Variants in ENPP2 observed in about 807,000 individuals in gnomAD.
The protein encoded by ENPP2 is ectonucleotide pyrophosphatase/phosphodiesterase 2.
In ENPP2, 51 loss-of-function variants were observed where a neutral mutation model predicts 120.2. The observed-to-expected ratio is 0.42, with a 90% CI of 0.34 to 0.54. ENPP2 has a LOEUF of 0.54. Ranked by LOEUF, ENPP2 falls within the 20% of genes least tolerant of loss-of-function variation. ENPP2 has a pLI of 0.04. For synonymous variants in ENPP2, 365 were observed against 366.4 expected (o/e 1.00, Z 0.04); for missense variants, 920 against 1,066.5 (o/e 0.86, Z 1.91).
chr8:119,621,505 A>C lies in ENPP2; in HGVS notation c.307T>G (p.Cys103Gly). ...ACTTCTCCACATCTGTCCTTAGTAC[A>C]CTCCCAGCCACGGGCTAAAATCATC... ...LCLKTARGWE[C>G]TKDRCGEVRN... The change falls in exon 4 of 25, where the codon TGT becomes GGT. Residue 103 changes from cysteine (C) to glycine (G), a missense_variant. Cys to Gly is a radical substitution (Grantham distance 159, BLOSUM62 -3). Coordinates refer to ENST00000075322, the MANE Select transcript of ENPP2 (RefSeq NM_001040092.3). 6.2e-7 allele frequency: 1 copy of C among 1,613,318 alleles called. No individual in the cohort carries two copies. The highest frequency in any genetic ancestry group is 1.1e-5 in the South Asian group (1 of 91,042).
At chr8:119,613,095 C>T (rs1395369532) in intron 8 of ENPP2, among the ~76,000 whole-genome samples, 1 of 151,982 alleles carries the variant, frequency 6.6e-6, no homozygotes, top group African/African-American at 2.4e-5. Flanking sequence ...AGGGAACAAC[C>T]CCATGGAAGT....
At chr8:119,624,697 A>G (rs953414961) in intron 3 of ENPP2, among the ~76,000 whole-genome samples, 6 of 152,228 alleles carry the variant, frequency 3.9e-5, no homozygotes, top group African/African-American at 1.2e-4. Flanking sequence ...CGATTTGTAT[A>G]AAGATTTATT....
intron 24 of ENPP2, among the ~76,000 whole-genome samples, chr8:119,561,219 A>T (rs907740859): frequency 2.6e-5 from 4 of 152,200 alleles, no homozygotes; most frequent in African/African-American, 9.6e-5. Context: ...AAGTCAACAG[A>T]TCAAAAACTA....
rs1563665653 is a variant in ENPP2, at chr8:119,562,989, A to G, written c.2289T>C (p.Pro763=). Residue 763 remains proline, a synonymous_variant, in exon 24 of 25, where the codon CCT becomes CCC. Coordinates refer to ENST00000075322, the MANE Select transcript of ENPP2 (RefSeq NM_001040092.3). ...IKQYVEGSSI[P]VPTHYYSIIT... The stretch of plus-strand genomic sequence containing the variant: ...TGATGCTGTAGTAGTGAGTTGGAAC[A>G]GGAATGGAACTGCCTTCCACGTACC... 1 of 1,614,056 alleles carries G rather than the reference A, an allele frequency of 6.2e-7. No individual in the cohort carries two copies. The highest frequency in any genetic ancestry group is 1.3e-5 in the African/African-American group (1 of 75,048).
chr8:119,616,387 T>G lies in ENPP2; in HGVS notation c.658-3A>C. On this transcript the variant is annotated splice_polypyrimidine_tract_variant and splice_region_variant and intron_variant, in intron 7 of 24. Transcript: ENST00000075322. ...CCATGTGATTCTGGATATAGCCCCTTTTTGTAAAAGCAAATTTATTGTTAA... is the reference window on the plus strand; with the variant it reads ...CCATGTGATTCTGGATATAGCCCCTGTTTGTAAAAGCAAATTTATTGTTAA... 6.3e-7 allele frequency: 1 copy of G among 1,587,788 alleles called. No homozygotes were observed. Among genetic ancestry groups the G allele is most frequent in the African/African-American group, 1.3e-5 (1 of 74,698 alleles).
chr8:119,568,321 GA>G (rs370269469), intron 21 of ENPP2, 69 bp from the exon 22 acceptor site: 166 of 829,214 alleles, frequency 2.0e-4, no homozygotes, highest in African/African-American at 1.2e-3. Flanking sequence ...AAAAAAGGGA[GA>G]GGGGGGTAGA....
intron 21 of ENPP2, 45 bp from the exon 22 acceptor site, chr8:119,568,297 T>A (rs1265140234): frequency 3.0e-6 from 3 of 994,244 alleles, no homozygotes; most frequent in Non-Finnish European, 4.4e-6. Context: ...TACCAAAATC[T>A]ATATCAGTTA....
intron 2 of ENPP2, among the ~76,000 whole-genome samples, chr8:119,632,261 A>G (rs1411631250): frequency 1.3e-5 from 2 of 152,212 alleles, no homozygotes; most frequent in Non-Finnish European, 2.9e-5. Context: ...CAAATTTTTC[A>G]TCATTACTGA....
intron 20 of ENPP2, 51 bp from the exon 21 acceptor site, chr8:119,569,421 G>A (rs1814766227): frequency 6.3e-7 from 1 of 1,591,738 alleles, no homozygotes; most frequent in Non-Finnish European, 8.6e-7. Flanking sequence ...GTTACGAACG[G>A]CTGAAATCAA....
chr8:119,581,998 G>A (rs1812777948), intron 18 of ENPP2, among the ~76,000 whole-genome samples: 2 of 152,074 alleles, frequency 1.3e-5, no homozygotes, highest in Admixed American at 1.3e-4. Flanking sequence ...CTCCCAAAGT[G>A]CTGGGATTAT....
chr8:119,630,676 G>T (rs1816599515), intron 2 of ENPP2, among the ~76,000 whole-genome samples: 1 of 152,118 alleles, frequency 6.6e-6, no homozygotes, highest in Non-Finnish European at 1.5e-5. Flanking sequence ...TATCTCAAAA[G>T]AAGTACTGTA....
intron 2 of ENPP2, among the ~76,000 whole-genome samples, chr8:119,629,252 T>C (rs765130912): frequency 7.0e-4 from 107 of 152,226 alleles, no homozygotes; most frequent in Non-Finnish European, 1.1e-3. Flanking sequence ...AATATATGTG[T>C]GTGTGGGTAT....
intron 2 of ENPP2, among the ~76,000 whole-genome samples, chr8:119,630,809 G>C (rs1281059800): frequency 6.6e-6 from 1 of 151,664 alleles, no homozygotes; most frequent in Middle Eastern, 3.4e-3. Flanking sequence ...TGACAGGAAA[G>C]AAAAAGGGAA....
chr8:119,557,472 T>C lies in ENPP2; in HGVS notation c.*49A>G, dbSNP rs760166258. 9.0e-6 allele frequency: 13 copies of C among 1,439,556 alleles called. No individual in the cohort carries two copies. In the East Asian group the frequency reaches 3.0e-4, roughly 34 times the overall value. The allele number at this position is 1,439,556 out of a possible 1,614,324, so 89.2% of individuals were successfully genotyped here. On this transcript the variant is annotated 3_prime_UTR_variant, in exon 25 of 25. Coordinates refer to ENST00000075322, the MANE Select transcript of ENPP2 (RefSeq NM_001040092.3). ...CAAATTAATAAATACAAAAACAATA[T>C]AAAAATATACAACCAGTTGATAAGA...
At chr8:119,600,928 C>A (rs964101212) in intron 10 of ENPP2, among the ~76,000 whole-genome samples, 178 bp from the exon 11 acceptor site, 2 of 151,952 alleles carry the variant, frequency 1.3e-5, no homozygotes, top group African/African-American at 4.8e-5. Context: ...TGACCACCAC[C>A]CCATCTGTAG....
chr8:119,563,752 G>A (rs1004798087), intron 23 of ENPP2, among the ~76,000 whole-genome samples: 3 of 151,904 alleles, frequency 2.0e-5, no homozygotes, highest in Non-Finnish European at 2.9e-5. Flanking sequence ...TTGGCTAACA[G>A]TGATCAGCAA....
At chr8:119,586,109 A>T (rs768205998) in intron 15 of ENPP2, 77 bp downstream of exon 15, 2 of 1,464,164 alleles carry the variant, frequency 1.4e-6, no homozygotes, top group Non-Finnish European at 1.9e-6. Context: ...GTGATGACTA[A>T]GGATGATAAA....
intron 24 of ENPP2, 118 bp from the exon 25 acceptor site, chr8:119,557,809 C>T (rs1587300328): frequency 1.3e-6 from 1 of 751,036 alleles, no homozygotes; most frequent in African/African-American, 1.8e-5. Flanking sequence ...AGAGCCAACG[C>T]ATGTTGATCC....
At position 119,617,204 on chromosome 8, in the gene ENPP2, T is replaced by C; in HGVS notation, c.617A>G (p.Tyr206Cys). ...GTHSPYMRPV[Y>C]PTKTFPNLYT... is the part of the protein sequence containing the mutation. Reference sequence around the variant, plus strand: ...TAAGTTAGGAAAGGTTTTAGTTGGGTACACCGGCCTCATGTAGGGAGAGTG... The same window carrying C: ...TAAGTTAGGAAAGGTTTTAGTTGGGCACACCGGCCTCATGTAGGGAGAGTG... Residue 206 changes from tyrosine (Y) to cysteine (C), a missense_variant, in exon 7 of 25, where the codon TAC (tyrosine) becomes TGC (cysteine). Physicochemically the swap from Tyr to Cys is radical, Grantham distance 194. Transcript: ENST00000075322. The C allele has an allele frequency of 6.2e-7, 1 of 1,613,806 alleles. No homozygotes were observed. The highest frequency in any genetic ancestry group is 8.5e-7 in the Non-Finnish European group (1 of 1,179,718).
Sources: allele counts gnomAD v4.1 joint callset (sites outside exome capture counted in the v4.1 genomes callset), GRCh38; gene constraint gnomAD v4.1.1; transcripts MANE v1.5; gene names NCBI Gene and HGNC (gene_info 2026-07-23, HGNC 2026-07-21).